Variants in ANKS1A observed in about 807,000 individuals in gnomAD.
ANKS1A encodes the protein ankyrin repeat and SAM domain-containing protein 1A.
Under a neutral mutation model 120.3 loss-of-function variants are expected in ANKS1A, and 55 were observed. The ratio of observed to expected loss-of-function variants is 0.46; its 90% CI spans 0.37 to 0.57. The LOEUF (loss-of-function observed/expected upper bound fraction) is 0.57, where lower values mean the gene tolerates loss of function less well. ANKS1A is among the 20% of genes least tolerant of loss of function. ANKS1A has a pLI of 0.00. For missense variants in ANKS1A, 1,123 were observed against 1,480.3 expected, an observed-to-expected ratio of 0.76 and a Z score of 3.96; for synonymous variants, 590 against 604.7, an observed-to-expected ratio of 0.98 and a Z score of 0.36.
intron 10 of ANKS1A, among the ~76,000 whole-genome samples, chr6:34,997,732 G>A (rs1257931023): frequency 6.6e-6 from 1 of 152,188 alleles, no homozygotes; most frequent in East Asian, 1.9e-4. Context: ...ACCACTACAA[G>A]ATAATTGACT....
intron 23 of ANKS1A, among the ~76,000 whole-genome samples, chr6:35,087,684 G>A (rs964526461): frequency 6.6e-6 from 1 of 152,248 alleles, no homozygotes; most frequent in Non-Finnish European, 1.5e-5. Flanking sequence ...TGAGCTCAGT[G>A]ATGTGGCTGG....
At chr6:35,015,403 A>G (rs938300508) in intron 10 of ANKS1A, among the ~76,000 whole-genome samples, 6 of 152,108 alleles carry the variant, frequency 3.9e-5, no homozygotes, top group African/African-American at 1.4e-4. Context: ...GGAGGCTGAG[A>G]TGGGAGAATC....
chr6:35,053,176 CTTTTCATTCCTTTGGAAAAA>C (rs1776052372), intron 11 of ANKS1A, among the ~76,000 whole-genome samples: 2 of 152,248 alleles, frequency 1.3e-5, no homozygotes, highest in African/African-American at 4.8e-5. Flanking sequence ...AAAAGGTCCT[CTTTTCATTCCTTTGGAAAAA>C]GAGCAGTGAA....
downstream of ANKS1A, among the ~76,000 whole-genome samples, chr6:35,091,960 G>C (rs2127622402): frequency 6.6e-6 from 1 of 152,324 alleles, no homozygotes; most frequent in African/African-American, 2.4e-5. Context: ...TATTTAAAGG[G>C]GAGAATTTGG....
intron 13 of ANKS1A, among the ~76,000 whole-genome samples, chr6:35,067,043 A>AC (rs1776811712): frequency 6.6e-6 from 1 of 151,798 alleles, no homozygotes; most frequent in African/African-American, 2.4e-5. Context: ...CGGGATTGGA[A>AC]CCCCTTTCTA....
At chr6:35,000,779 A>G (rs1773126016) in intron 10 of ANKS1A, among the ~76,000 whole-genome samples, 1 of 152,178 alleles carries the variant, frequency 6.6e-6, no homozygotes, top group Non-Finnish European at 1.5e-5. Context: ...CCTTTGGTAA[A>G]AGGATTATAA....
intron 11 of ANKS1A, among the ~76,000 whole-genome samples, chr6:35,027,606 T>A (rs1027533988): frequency 1.2e-4 from 19 of 152,172 alleles, no homozygotes; most frequent in East Asian, 5.8e-4. Context: ...AAACAATTAA[T>A]CTGGACCTCA....
At chr6:34,929,397 G>T (rs6457797) in intron 1 of ANKS1A, among the ~76,000 whole-genome samples, 22,834 of 152,128 alleles carry the variant, frequency 0.15, 2,068 homozygotes, top group African/African-American at 0.25. Context: ...AGCAGTATCT[G>T]CCTGGAAAAG....
Position 35,074,607 on chromosome 6 carries a change from C to G in ANKS1A, c.2185-3951C>G, listed in dbSNP as rs375365825. 2.4e-4 allele frequency among the ~76,000 whole-genome samples: 36 copies of G among 152,336 alleles called. No individual in the cohort carries two copies. In the East Asian group the frequency reaches 4.8e-3, roughly 20 times the overall value. On this transcript the variant is annotated intron_variant, in intron 13 of 23. Coordinates refer to ENST00000360359, the MANE Select transcript of ANKS1A (RefSeq NM_015245.3). Reference sequence around the variant, plus strand: ...TGGGAAGGCGGCTGCCTCTCTCTGCCTTTCTGCAACAGCAGACGTTAGATT... The same window carrying G: ...TGGGAAGGCGGCTGCCTCTCTCTGCGTTTCTGCAACAGCAGACGTTAGATT...
At chr6:35,000,535 T>C (rs1224245190) in intron 10 of ANKS1A, among the ~76,000 whole-genome samples, 4 of 151,954 alleles carry the variant, frequency 2.6e-5, no homozygotes, top group African/African-American at 9.7e-5. Context: ...AAAAGAGTGT[T>C]ATATAGTAAA....
intron 13 of ANKS1A, among the ~76,000 whole-genome samples, chr6:35,061,509 C>T (rs1211884812): frequency 2.0e-5 from 3 of 152,150 alleles, no homozygotes; most frequent in African/African-American, 7.2e-5. Context: ...TCTCGCTGAT[C>T]GGGTTGTGTT....
chr6:34,950,566 G>T (rs1770042381), intron 1 of ANKS1A, among the ~76,000 whole-genome samples: 1 of 152,120 alleles, frequency 6.6e-6, no homozygotes, highest in Admixed American at 6.6e-5. Flanking sequence ...ATAAGAGAGA[G>T]AGAGATCCGG....
intron 13 of ANKS1A, among the ~76,000 whole-genome samples, chr6:35,078,148 C>T (rs1777464366): frequency 6.6e-6 from 1 of 152,166 alleles, no homozygotes; most frequent in Admixed American, 6.5e-5. Context: ...CAGCCACCCG[C>T]CTGAGGTGGT....
intron 1 of ANKS1A, among the ~76,000 whole-genome samples, chr6:34,915,465 A>T (rs900430891): frequency 6.6e-6 from 1 of 151,760 alleles, no homozygotes; most frequent in Non-Finnish European, 1.5e-5. Context: ...TCCTGCCCCA[A>T]CCTCCCGAGT....
intron 23 of ANKS1A, 145 bp from the exon 24 acceptor site, chr6:35,088,460 TG>T: frequency 9.9e-7 from 1 of 1,007,388 alleles, no homozygotes; most frequent in Non-Finnish European, 1.6e-6. Context: ...CTGCAGGCTG[TG>T]GGTGCTCAAA....
chr6:34,901,664 C>T (rs1481263807), intron 1 of ANKS1A, among the ~76,000 whole-genome samples: 1 of 152,140 alleles, frequency 6.6e-6, no homozygotes, highest in Non-Finnish European at 1.5e-5. Context: ...GCTCATGACA[C>T]CATGCCCGGT....
the ANKS1A span, among the ~76,000 whole-genome samples, chr6:35,097,868 A>T: frequency 1.3e-5 from 2 of 152,222 alleles, no homozygotes; most frequent in African/African-American, 4.8e-5. Flanking sequence ...AAAAGGATGA[A>T]GAGATTTTAA....
chr6:35,074,359 G>A (rs1777234067), intron 13 of ANKS1A, among the ~76,000 whole-genome samples: 1 of 152,142 alleles, frequency 6.6e-6, no homozygotes, highest in Non-Finnish European at 1.5e-5. Flanking sequence ...AGCACTTTTG[G>A]GAGGTCGAGG....
chr6:34,908,199 A>T (rs561596071), intron 1 of ANKS1A, among the ~76,000 whole-genome samples: 2 of 152,298 alleles, frequency 1.3e-5, no homozygotes, highest in Non-Finnish European at 2.9e-5. Context: ...GGTGGTCTGG[A>T]GACCCCTCTC....
Sources: allele counts gnomAD v4.1 joint callset (sites outside exome capture counted in the v4.1 genomes callset), GRCh38; gene constraint gnomAD v4.1.1; transcripts MANE v1.5; gene names NCBI Gene and HGNC (gene_info 2026-07-23, HGNC 2026-07-21).